IGF2BP3: variants seen among roughly 807,000 people sequenced by gnomAD.
IGF2BP3 encodes the protein insulin like growth factor 2 mRNA binding protein 3, also known as insulin-like growth factor 2 mRNA-binding protein 3.
Under a neutral mutation model 73.8 loss-of-function variants are expected in IGF2BP3, and 9 were observed. The observed-to-expected ratio is 0.12, with a 90% CI of 0.07 to 0.21. IGF2BP3 has a LOEUF of 0.21. Ranked by LOEUF, IGF2BP3 falls within the 10% of genes least tolerant of loss-of-function variation. IGF2BP3 has a pLI of 1.00. For missense variants in IGF2BP3, 542 were observed against 714.0 expected, an observed-to-expected ratio of 0.76 and a Z score of 2.75; for synonymous variants, 258 against 256.7, an observed-to-expected ratio of 1.01 and a Z score of -0.05.
Position 23,351,482 on chromosome 7 carries a change from C to G in IGF2BP3, c.506G>C (p.Arg169Pro). 1 of 1,613,988 alleles carries G rather than the reference C, an allele frequency of 6.2e-7. No homozygotes were observed. Among genetic ancestry groups the G allele is most frequent in the Non-Finnish European group, 8.5e-7 (1 of 1,179,972 alleles). ...CCTCTGCCCAAGCCCCCGGCGACCT[C>G]GGGGCTGCTGCAAGGGGTTTTGCTG... ...AAQQNPLQQP[R>P]GRRGLGQRGS... Residue 169 changes from arginine to proline, a missense_variant, in exon 6 of 15, where the codon CGA becomes CCA. Coordinates refer to ENST00000258729, the MANE Select transcript of IGF2BP3 (RefSeq NM_006547.3).
At chr7:23,429,700 C>A (rs1787618109) in intron 2 of IGF2BP3, among the ~76,000 whole-genome samples, 1 of 152,030 alleles carries the variant, frequency 6.6e-6, no homozygotes, top group Non-Finnish European at 1.5e-5. Context: ...CATATTAATA[C>A]CAAGAAAGAA....
In IGF2BP3 at chr7:23,430,108, T is replaced by C. The variant is rs7806621; in HGVS notation, c.237-11284A>G. ...CCTCTTTTTTTTTTTTTTTTTGAGATGGAATCTCGCTGTCACCCAGGCTGG... is the reference window on the plus strand; with the variant it reads ...CCTCTTTTTTTTTTTTTTTTTGAGACGGAATCTCGCTGTCACCCAGGCTGG... On this transcript the variant is annotated intron_variant, in intron 2 of 14. Transcript: ENST00000258729. Among the ~76,000 whole-genome samples, 82 of 149,126 alleles carry C rather than the reference T, an allele frequency of 5.5e-4. No individual in the cohort carries two copies. The Middle Eastern group carries it at 0.014, about 25-fold the overall frequency.
chr7:23,329,857 C>T (rs1208992489), intron 10 of IGF2BP3, among the ~76,000 whole-genome samples: 1 of 152,142 alleles, frequency 6.6e-6, no homozygotes, highest in Non-Finnish European at 1.5e-5. Flanking sequence ...AAAACTGAGC[C>T]AGAGAGGTTA....
At chr7:23,339,405 C>A (rs1784653245) in intron 10 of IGF2BP3, among the ~76,000 whole-genome samples, 1 of 152,126 alleles carries the variant, frequency 6.6e-6, no homozygotes, top group Non-Finnish European at 1.5e-5. Flanking sequence ...AACATAGGAA[C>A]CTGATACACA....
chr7:23,420,131 A>T (rs1415138790), intron 2 of IGF2BP3, among the ~76,000 whole-genome samples: 6 of 152,184 alleles, frequency 3.9e-5, no homozygotes, highest in African/African-American at 1.4e-4. Flanking sequence ...AACAAAACAA[A>T]AACTAGCAAT....
intron 5 of IGF2BP3, among the ~76,000 whole-genome samples, chr7:23,352,270 T>G (rs1784981660): frequency 6.9e-6 from 1 of 145,742 alleles, no homozygotes; most frequent in Non-Finnish European, 1.5e-5. Flanking sequence ...AGAGTTTCTC[T>G]CTTTTTCATT....
At position 23,469,259 on chromosome 7, in the gene IGF2BP3, G is replaced by C. The variant is rs1023398886; in HGVS notation, c.175+677C>G. On this transcript the variant is annotated intron_variant, in intron 1 of 14. Transcript: ENST00000258729. This position sits in a 1 kb window ranked among gnomAD's most constrained non-coding sequence, Gnocchi z 6.1. ...ACCCGGAGGCCGCAGCCCCGCGCCAGGGCCCGGAGAGCGGCGGGCGGCCGG... is the reference window on the plus strand; with the variant it reads ...ACCCGGAGGCCGCAGCCCCGCGCCACGGCCCGGAGAGCGGCGGGCGGCCGG... 6.6e-6 allele frequency: 1 copy of C among 152,220 alleles called. No individual in the cohort carries two copies. The highest frequency in any genetic ancestry group is 1.5e-5 in the Non-Finnish European group (1 of 68,146). The allele number at this position is 152,220 out of a possible 1,614,324, so 9.4% of individuals were successfully genotyped here. A position where few individuals can be genotyped will look rare whatever the true frequency, so the allele number is the denominator to read the frequency against.
chr7:23,453,171 T>C (rs542635365), intron 2 of IGF2BP3, among the ~76,000 whole-genome samples: 3 of 152,316 alleles, frequency 2.0e-5, no homozygotes, highest in Middle Eastern at 3.4e-3. Context: ...GGGTTCTTGC[T>C]GTGTTACCCA....
At chr7:23,396,259 T>TAGGGGGC (rs1786459309) in intron 3 of IGF2BP3, among the ~76,000 whole-genome samples, 1 of 151,504 alleles carries the variant, frequency 6.6e-6, no homozygotes, top group African/African-American at 2.4e-5. Context: ...GGCTTGGGGG[T>TAGGGGGC]AGGGGGCAGG....
chr7:23,458,483 C>T lies in IGF2BP3; in HGVS notation c.236+9999G>A, dbSNP rs141817263. 6.1e-3 allele frequency among the ~76,000 whole-genome samples: 927 copies of T among 152,258 alleles called. 13 individuals carry two copies. The highest frequency in any genetic ancestry group is 0.021 in the African/African-American group (886 of 41,542). ...TTGCTAACAAGCTGAGACAGACAGA[C>T]ACCGTGGACTCCACTCCAGATACCT... is the stretch of plus-strand genomic sequence containing the variant. On this transcript the variant is annotated intron_variant, in intron 2 of 14. Coordinates refer to ENST00000258729, the MANE Select transcript of IGF2BP3 (RefSeq NM_006547.3).
chr7:23,469,871 G>A lies in IGF2BP3; in HGVS notation c.175+65C>T. On this transcript the variant is annotated intron_variant, in intron 1 of 14. Transcript: ENST00000258729. The surrounding 1 kb of genome is among the most constrained non-coding windows in gnomAD (Gnocchi z 6.1). The stretch of plus-strand genomic sequence containing the variant: ...GGGCCTGGGGCCCGCGGAGCCACCC[G>A]GTGGGCCTGGGCGGGCGGTGCAGGG... 8.4e-7 allele frequency: 1 copy of A among 1,193,112 alleles called. No individual in the cohort carries two copies. Among genetic ancestry groups the A allele is most frequent in the South Asian group, 2.9e-5 (1 of 34,174 alleles). 73.9% of individuals were successfully genotyped at this position (1,193,112 alleles called of 1,614,324 possible). A position where few individuals can be genotyped will look rare whatever the true frequency, so the allele number is the denominator to read the frequency against.
intron 3 of IGF2BP3, among the ~76,000 whole-genome samples, chr7:23,416,737 C>T (rs552508432): frequency 3.9e-5 from 6 of 152,236 alleles, no homozygotes; most frequent in South Asian, 4.2e-4. Flanking sequence ...ACAAAACAAG[C>T]GGCATACCCA....
chr7:23,346,431 G>C (rs1309738075), intron 7 of IGF2BP3, among the ~76,000 whole-genome samples: 1 of 152,060 alleles, frequency 6.6e-6, no homozygotes, highest in African/African-American at 2.4e-5. Context: ...TTTATAGAAG[G>C]AAACAGAAGA....
At chr7:23,368,354 A>AGAAAGAAC (rs1283739557) in intron 3 of IGF2BP3, among the ~76,000 whole-genome samples, 2 of 147,548 alleles carry the variant, frequency 1.4e-5, no homozygotes, top group Admixed American at 1.3e-4. Flanking sequence ...AAAGAAAGAA[A>AGAAAGAAC]GAAAGAAAGA....
intron 3 of IGF2BP3, among the ~76,000 whole-genome samples, chr7:23,395,790 G>A (rs921045925): frequency 7.9e-5 from 12 of 151,986 alleles, no homozygotes; most frequent in African/African-American, 2.9e-4. Context: ...GCTGGGCGTG[G>A]TGACAGGTGC....
intron 3 of IGF2BP3, among the ~76,000 whole-genome samples, chr7:23,409,186 C>A (rs924595651): frequency 6.6e-6 from 1 of 152,182 alleles, no homozygotes; most frequent in Non-Finnish European, 1.5e-5. Context: ...TGTGGTACAG[C>A]CCAGTTCCTA....
intron 3 of IGF2BP3, among the ~76,000 whole-genome samples, chr7:23,395,544 T>C (rs1786425009): frequency 6.6e-6 from 1 of 152,084 alleles, no homozygotes; most frequent in African/African-American, 2.4e-5. Context: ...GGAGGACAGC[T>C]TGAGCCCAGG....
intron 10 of IGF2BP3, 104 bp from the exon 11 acceptor site, chr7:23,319,358 A>G: frequency 1.4e-6 from 1 of 712,040 alleles, no homozygotes; most frequent in East Asian, 2.6e-5. Context: ...TAGGAATACC[A>G]GGAAAGTTTA....
intron 3 of IGF2BP3, among the ~76,000 whole-genome samples, chr7:23,398,924 T>G (rs1285665289): frequency 6.6e-6 from 1 of 152,226 alleles, no homozygotes; most frequent in Admixed American, 6.5e-5. Context: ...TTAGATCCCA[T>G]TTGTCAATTT....
Sources: gnomAD v4.1 joint callset for allele counts (sites outside exome capture counted in the v4.1 genomes callset) on GRCh38, gnomAD v4.1.1 for gene constraint, Gnocchi (gnomAD v3.1) non-coding constraint, MANE v1.5 for transcripts, NCBI Gene and HGNC (gene_info 2026-07-23, HGNC 2026-07-21) for gene names.